PLAAT1: variants seen among roughly 807,000 people sequenced by gnomAD.
PLAAT1 encodes phospholipase A and acyltransferase 1, also known as H-REV107 protein-related protein.
PLAAT1 carries 13 observed loss-of-function variants against 16.4 expected under a neutral mutation model. That is an observed-to-expected ratio of 0.79 (90% CI 0.52 to 1.26). PLAAT1 has a LOEUF of 1.26. Among genes scored for constraint, PLAAT1 ranks in the 50% most tolerant of loss-of-function variants. The pLI is 0.00. For synonymous variants in PLAAT1, 73 were observed against 78.4 expected (o/e 0.93, Z 0.36); for missense variants, 218 against 207.8 (o/e 1.05, Z -0.30).
chr3:193,248,534 G>A (rs1347550869), intron 1 of PLAAT1, among the ~76,000 whole-genome samples: 1 of 151,882 alleles, frequency 6.6e-6, no homozygotes, highest in Admixed American at 6.6e-5. Context: ...ATGATTTTTT[G>A]TAGTGGTATG....
In PLAAT1 at chr3:193,241,280, C is replaced by A. The variant is rs1490490298; in HGVS notation, c.-254C>A. On this transcript the variant is annotated 5_prime_UTR_variant, in exon 1 of 4. Coordinates refer to ENST00000264735, the MANE Select transcript of PLAAT1 (RefSeq NM_020386.5). ...ACGCCGAGCCCAGCGCGTCGGCCCCCCGGCGTGCGGGCGTCTCAGAGCCGC... is the reference window on the plus strand; with the variant it reads ...ACGCCGAGCCCAGCGCGTCGGCCCCACGGCGTGCGGGCGTCTCAGAGCCGC... 1 of 1,230,204 alleles carries A rather than the reference C, an allele frequency of 8.1e-7. No individual in the cohort carries two copies. Among genetic ancestry groups the A allele is most frequent in the Admixed American group, 4.2e-5 (1 of 23,662 alleles). The allele number at this position is 1,230,204 out of a possible 1,614,324, so 76.2% of individuals were successfully genotyped here. A position where few individuals can be genotyped will look rare whatever the true frequency, so the allele number is the denominator to read the frequency against.
chr3:193,243,058 A>C (rs1428520960), intron 1 of PLAAT1, among the ~76,000 whole-genome samples: 1 of 152,150 alleles, frequency 6.6e-6, no homozygotes, highest in Non-Finnish European at 1.5e-5. Flanking sequence ...ACCAACAGAG[A>C]GCTATAAAGA....
chr3:193,273,222 G>A (rs551474791), downstream of PLAAT1, among the ~76,000 whole-genome samples: 1 of 152,200 alleles, frequency 6.6e-6, no homozygotes, highest in Non-Finnish European at 1.5e-5. Flanking sequence ...TCAGCTCAAG[G>A]AACCTGAACT....
intron 1 of PLAAT1, among the ~76,000 whole-genome samples, chr3:193,241,738 AC>A (rs939641387): frequency 2.0e-5 from 3 of 152,196 alleles, no homozygotes; most frequent in African/African-American, 7.2e-5. Context: ...CAGAGCTGGG[AC>A]TAGAAACCCA....
intron 3 of PLAAT1, among the ~76,000 whole-genome samples, chr3:193,266,641 C>T (rs1278917730): frequency 6.6e-6 from 1 of 152,096 alleles, no homozygotes. Context: ...CTAATCAACA[C>T]AGATCGTTTG....
chr3:193,268,583 G>A (rs1315825453), intron 3 of PLAAT1, among the ~76,000 whole-genome samples: 2 of 152,244 alleles, frequency 1.3e-5, no homozygotes, highest in East Asian at 3.9e-4. Flanking sequence ...TTGTAATCTT[G>A]CACATCACAT....
intron 1 of PLAAT1, 105 bp downstream of exon 1, chr3:193,241,638 G>A: frequency 2.6e-6 from 2 of 758,640 alleles, no homozygotes; most frequent in Non-Finnish European, 3.6e-6. Flanking sequence ...GAACAACGGA[G>A]CTTATCCACC....
intron 3 of PLAAT1, among the ~76,000 whole-genome samples, chr3:193,269,754 A>G (rs983980798): frequency 3.9e-5 from 6 of 152,200 alleles, no homozygotes; most frequent in Non-Finnish European, 7.4e-5. Flanking sequence ...TGGGTCATCA[A>G]ATTGCACTCA....
Position 193,241,473 on chromosome 3 carries a change from G to A in PLAAT1, c.-61G>A. ...GGTCGGCAGCTGCGAGGCCAAGAGA[G>A]ACCCCAGGACACACACAGCTGCCTC... On this transcript the variant is annotated 5_prime_UTR_variant, in exon 1 of 4. Transcript: ENST00000264735. 1 of 1,231,840 alleles carries A rather than the reference G, an allele frequency of 8.1e-7. No individual in the cohort carries two copies. Among genetic ancestry groups the A allele is most frequent in the Non-Finnish European group, 1.0e-6 (1 of 988,082 alleles). The allele number at this position is 1,231,840 out of a possible 1,614,324, so 76.3% of individuals were successfully genotyped here. A position where few individuals can be genotyped will look rare whatever the true frequency, so the allele number is the denominator to read the frequency against.
chr3:193,260,612 A>T (rs1389583696), intron 2 of PLAAT1, among the ~76,000 whole-genome samples: 1 of 152,158 alleles, frequency 6.6e-6, no homozygotes, highest in Non-Finnish European at 1.5e-5. Flanking sequence ...ATCATCACTA[A>T]TCATAGAAAT....
At chr3:193,279,839 G>A (rs1717400431), downstream of PLAAT1, among the ~76,000 whole-genome samples, 1 of 151,868 alleles carries the variant, frequency 6.6e-6, no homozygotes, top group African/African-American at 2.4e-5. Context: ...GACATTCAAG[G>A]CCTTCCACAA....
intron 2 of PLAAT1, among the ~76,000 whole-genome samples, chr3:193,256,866 G>C (rs1716394404): frequency 6.6e-6 from 1 of 152,098 alleles, no homozygotes; most frequent in African/African-American, 2.4e-5. Flanking sequence ...ATTTTCAATA[G>C]GGGAATGGTT....
intron 1 of PLAAT1, among the ~76,000 whole-genome samples, chr3:193,243,385 G>A (rs1715854367): frequency 6.6e-6 from 1 of 152,152 alleles, no homozygotes; most frequent in Admixed American, 6.5e-5. Context: ...CTGAGCCTGG[G>A]CACCTTAGAG....
chr3:193,241,243 G>C lies in PLAAT1; in HGVS notation c.-291G>C, dbSNP rs1005212105. ...CATGGTCAGAGCCTCGTGCCGGCTCGGCAGCGCCCGGACGCCGAGCCCAGC... is the reference window on the plus strand; with the variant it reads ...CATGGTCAGAGCCTCGTGCCGGCTCCGCAGCGCCCGGACGCCGAGCCCAGC... On this transcript the variant is annotated 5_prime_UTR_variant, in exon 1 of 4. Transcript: ENST00000264735. 1.3e-5 allele frequency: 16 copies of C among 1,226,116 alleles called. No homozygotes were observed. The highest frequency in any genetic ancestry group is 3.2e-5 in the East Asian group (1 of 31,232). The allele number at this position is 1,226,116 out of a possible 1,614,324, so 76.0% of individuals were successfully genotyped here.
At chr3:193,258,683 A>G (rs529042844) in intron 2 of PLAAT1, among the ~76,000 whole-genome samples, 1 of 152,266 alleles carries the variant, frequency 6.6e-6, no homozygotes, top group African/African-American at 2.4e-5. Context: ...ACAACCTTTC[A>G]ACATTGAACC....
Position 193,241,494 on chromosome 3 carries a change from G to A in PLAAT1, c.-40G>A. The A allele has an allele frequency of 2.4e-6, 3 of 1,232,000 alleles. No individual in the cohort carries two copies. Among genetic ancestry groups the A allele is most frequent in the Non-Finnish European group, 3.0e-6 (3 of 988,208 alleles). The allele number at this position is 1,232,000 out of a possible 1,614,324, so 76.3% of individuals were successfully genotyped here. Reference sequence around the variant, plus strand: ...GAGAGACCCCAGGACACACACAGCTGCCTCCCGGTGCGAGAAGAAGACCCC... The same window carrying A: ...GAGAGACCCCAGGACACACACAGCTACCTCCCGGTGCGAGAAGAAGACCCC... On this transcript the variant is annotated 5_prime_UTR_variant, in exon 1 of 4. Transcript: ENST00000264735.
intron 3 of PLAAT1, among the ~76,000 whole-genome samples, chr3:193,266,418 A>G (rs1202764346): frequency 2.0e-5 from 3 of 152,206 alleles, no homozygotes; most frequent in African/African-American, 4.8e-5. Flanking sequence ...GCAATCTATC[A>G]TCATTTCACC....
At chr3:193,251,757 T>C (rs1255420563) in intron 1 of PLAAT1, among the ~76,000 whole-genome samples, 1 of 152,100 alleles carries the variant, frequency 6.6e-6, no homozygotes, top group Non-Finnish European at 1.5e-5. Flanking sequence ...AATTTTGATG[T>C]GGATATTTTC....
chr3:193,270,489 A>G (rs1716948032), intron 3 of PLAAT1, 115 bp from the exon 4 acceptor site: 4 of 753,824 alleles, frequency 5.3e-6, no homozygotes, highest in Non-Finnish European at 8.3e-6. Flanking sequence ...CTTTAGATGT[A>G]TCCATTGTAC....
Sources: gnomAD v4.1 joint callset for allele counts (sites outside exome capture counted in the v4.1 genomes callset) on GRCh38, gnomAD v4.1.1 for gene constraint, MANE v1.5 for transcripts, NCBI Gene and HGNC (gene_info 2026-07-23, HGNC 2026-07-21) for gene names.